GLB1L3: variants seen among roughly 807,000 people sequenced by gnomAD.
GLB1L3 encodes galactosidase beta 1 like 3.
In GLB1L3, 89 loss-of-function variants were observed where a neutral mutation model predicts 89.5. The observed-to-expected ratio is 0.99, with a 90% CI of 0.84 to 1.19. The LOEUF (loss-of-function observed/expected upper bound fraction) is 1.19. GLB1L3 is among the 50% of genes most tolerant of loss of function. GLB1L3 has a pLI of 0.00. For missense variants in GLB1L3, 812 were observed against 813.3 expected, an observed-to-expected ratio of 1.00 and a Z score of 0.02; for synonymous variants, 314 against 312.3, an observed-to-expected ratio of 1.01 and a Z score of -0.06.
rs1272843093 is a variant in GLB1L3, at chr11:134,277,470, T to A, written c.149+19T>A. 3.1e-6 allele frequency: 5 copies of A among 1,607,812 alleles called. No homozygotes were observed. Among genetic ancestry groups the A allele is most frequent in the Non-Finnish European group, 4.3e-6 (5 of 1,176,406 alleles). ...AGCCTAGGTTTGCTTGAGAGCTACA[T>A]CCCTGGGGAGGGAGGGGAGCGATCT... On this transcript the variant is annotated intron_variant, in intron 2 of 19. Transcript: ENST00000431683.
chr11:134,280,159 GCTTT>G (rs1195059512), intron 3 of GLB1L3, among the ~76,000 whole-genome samples: 2 of 151,440 alleles, frequency 1.3e-5, no homozygotes, highest in African/African-American at 4.9e-5. Flanking sequence ...TTGGGAATAC[GCTTT>G]CTGTTTTATT....
At chr11:134,285,279 C>G (rs1361654809) in intron 6 of GLB1L3, among the ~76,000 whole-genome samples, 1 of 151,978 alleles carries the variant, frequency 6.6e-6, no homozygotes, top group Non-Finnish European at 1.5e-5. Flanking sequence ...ATAAGAAACG[C>G]CTTCATTTTT....
rs532469535 is a variant in GLB1L3 at position 134,316,872 on chromosome 11, A to G, written c.1780-1759A>G. On this transcript the variant is annotated intron_variant, in intron 18 of 19. Transcript: ENST00000431683. ...GCACTTGCCCATAATGACAACTTCC[A>G]TGTTTTGGGGGACATTGAGAAGCTT... The G allele has an allele frequency of 2.0e-5, 3 of 152,340 alleles. No individual in the cohort carries two copies. In the South Asian group the frequency reaches 6.2e-4, roughly 32 times the overall value. 9.4% of individuals were successfully genotyped at this position (152,340 alleles called of 1,614,324 possible).
chr11:134,312,235 C>G, intron 13 of GLB1L3, 114 bp from the exon 14 acceptor site: 1 of 1,170,488 alleles, frequency 8.5e-7, no homozygotes. Flanking sequence ...TTCATCATTT[C>G]CCATTTGAAG....
intron 10 of GLB1L3, among the ~76,000 whole-genome samples, chr11:134,308,332 CCAT>C (rs1942396773): frequency 2.0e-5 from 1 of 49,704 alleles, no homozygotes; most frequent in African/African-American, 9.1e-5. Context: ...ATCACCATCA[CCAT>C]CACCATCATC....
intron 9 of GLB1L3, among the ~76,000 whole-genome samples, chr11:134,300,603 G>GGATT (rs1478151611): frequency 1.3e-5 from 2 of 152,068 alleles, no homozygotes; most frequent in East Asian, 3.9e-4. Context: ...CAAAGTGCTG[G>GGATT]GATTACAGGC....
chr11:134,300,626 G>A (rs186099243), intron 9 of GLB1L3, among the ~76,000 whole-genome samples: 7 of 151,936 alleles, frequency 4.6e-5, no homozygotes, highest in African/African-American at 9.7e-5. Flanking sequence ...GAGCCACCGC[G>A]CCCGGCCCCT....
chr11:134,301,601 C>A (rs998519740), intron 9 of GLB1L3, among the ~76,000 whole-genome samples: 3 of 151,984 alleles, frequency 2.0e-5, no homozygotes, highest in Admixed American at 2.0e-4. Context: ...AAATTAATTT[C>A]AATTTCACTG....
rs148189870 is a variant in GLB1L3, at chr11:134,309,968, G to T, written c.1099+205G>T. On this transcript the variant is annotated intron_variant, in intron 11 of 19. Coordinates refer to ENST00000431683, the MANE Select transcript of GLB1L3 (RefSeq NM_001080407.3). The stretch of plus-strand genomic sequence containing the variant: ...CATTGCAGTAGACAGGGCTTTCCGG[G>T]ACTTAGAGCTCCGCTTCACACATCT... The T allele has an allele frequency of 3.5e-3, 2,090 of 595,392 alleles. 7 individuals are homozygous for T. The highest frequency in any genetic ancestry group is 7.0e-3 in the Admixed American group (227 of 32,440). 36.9% of individuals were successfully genotyped at this position (595,392 alleles called of 1,614,324 possible).
In GLB1L3 at chr11:134,319,200, C is replaced by T; in HGVS notation, c.*258C>T. The T allele has an allele frequency of 7.7e-6, 3 of 389,464 alleles. No homozygotes were observed. The highest frequency in any genetic ancestry group is 1.4e-5 in the Non-Finnish European group (3 of 214,120). The allele number at this position is 389,464 out of a possible 1,614,324, so 24.1% of individuals were successfully genotyped here. A position where few individuals can be genotyped will look rare whatever the true frequency, so the allele number is the denominator to read the frequency against. ...CAATCTCCTGACCTTGTGATCTGCT[C>T]TCCTCAGCCTCCCAAAGTACTGGGA... is the stretch of plus-strand genomic sequence containing the variant. On this transcript the variant is annotated 3_prime_UTR_variant, in exon 20 of 20. Transcript: ENST00000431683.
In GLB1L3 at chr11:134,288,811, G is replaced by A. The variant is rs548841716; in HGVS notation, c.650G>A (p.Gly217Asp). 7 of 1,613,058 alleles carry A rather than the reference G, an allele frequency of 4.3e-6. No homozygotes were observed. The South Asian group carries it at 7.7e-5, about 18-fold the overall frequency. Residue 217 changes from glycine to aspartate, a missense_variant, in exon 7 of 20, where the codon GGC becomes GAC. By Grantham distance (94) the Gly-to-Asp change is moderately conservative (BLOSUM62 -1). Transcript: ENST00000431683. ...RVIPLQYRQA[G>D]PVIAVQVENE... The stretch of plus-strand genomic sequence containing the variant: ...CTTGTTTCTCAGTACCGCCAGGCAG[G>A]CCCTGTCATCGCGGTGCAAGTGGAG...
chr11:134,319,784 G>A (rs780903089), downstream of GLB1L3, among the ~76,000 whole-genome samples: 7 of 151,794 alleles, frequency 4.6e-5, no homozygotes, highest in Non-Finnish European at 8.8e-5. Flanking sequence ...GTATGTAGGA[G>A]TAGGGGAAAG....
intron 1 of GLB1L3, chr11:134,277,021 C>G (rs1940404337): frequency 1.8e-6 from 1 of 565,712 alleles, no homozygotes; most frequent in Non-Finnish European, 3.1e-6. Context: ...GGCACCGTGT[C>G]CTTCCCGAAC....
At chr11:134,281,185 A>G (rs1940663985) in intron 3 of GLB1L3, among the ~76,000 whole-genome samples, 192 bp from the exon 4 acceptor site, 1 of 152,202 alleles carries the variant, frequency 6.6e-6, no homozygotes, top group South Asian at 2.1e-4. Flanking sequence ...CTTGAACCAC[A>G]ATTGGATAAT....
At position 134,313,414 on chromosome 11, in the gene GLB1L3, A is replaced by T. The variant is rs1249338280; in HGVS notation, c.1519A>T (p.Ile507Phe). 2 of 1,584,206 alleles carry T rather than the reference A, an allele frequency of 1.3e-6. No homozygotes were observed. The highest frequency in any genetic ancestry group is 2.3e-5 in the South Asian group (2 of 86,288). Residue 507 changes from isoleucine to phenylalanine, a missense_variant, in exon 16 of 20, where the codon ATC becomes TTC. Transcript: ENST00000431683. ...PELRDCRYLR[I>F]LVENQGRVNF... ...CCAGCAGGACTGCCGATACCTGAGG[A>T]TCCTGGTGGAGAATCAAGGACGAGT...
At chr11:134,306,339 C>T (rs1343306052) in intron 9 of GLB1L3, among the ~76,000 whole-genome samples, 4 of 152,106 alleles carry the variant, frequency 2.6e-5, no homozygotes, top group Non-Finnish European at 4.4e-5. Context: ...GTGTTGATAG[C>T]CAGACATTTA....
downstream of GLB1L3, among the ~76,000 whole-genome samples, chr11:134,322,676 C>T (rs1565428046): frequency 6.6e-6 from 1 of 152,138 alleles, no homozygotes; most frequent in African/African-American, 2.4e-5. Flanking sequence ...GAATATGTGA[C>T]CCTTTGTGTT....
At chr11:134,314,051 T>G (rs934484858) in intron 17 of GLB1L3, 23 bp downstream of exon 17, 1 of 1,467,240 alleles carries the variant, frequency 6.8e-7, no homozygotes, top group Non-Finnish European at 9.5e-7. Flanking sequence ...TGGCCCCCAG[T>G]GCACACTTCA....
At chr11:134,308,473 A>C (rs1258902283) in intron 10 of GLB1L3, among the ~76,000 whole-genome samples, 7 of 4,752 alleles carry the variant, frequency 1.5e-3, no homozygotes, top group Non-Finnish European at 2.6e-3. Context: ...ACCACCACCA[A>C]ATACCACCAC....
Sources: gnomAD v4.1 joint callset for allele counts (sites outside exome capture counted in the v4.1 genomes callset) on GRCh38, gnomAD v4.1.1 for gene constraint, MANE v1.5 for transcripts, NCBI Gene and HGNC (gene_info 2026-07-23, HGNC 2026-07-21) for gene names.